The following BTBD9 variants were observed in gnomAD, a reference collection of about 807,000 sequenced individuals.
BTBD9 encodes BTB/POZ domain-containing protein 9.
BTBD9 carries 49 observed loss-of-function variants against 64.3 expected under a neutral mutation model. The ratio of observed to expected loss-of-function variants is 0.76; its 90% CI spans 0.61 to 0.97. The LOEUF (loss-of-function observed/expected upper bound fraction) is 0.97, where lower values mean the gene tolerates loss of function less well. BTBD9 is among the 50% of genes least tolerant of loss of function. BTBD9 has a pLI of 0.00. For missense variants in BTBD9, 598 were observed against 762.1 expected (o/e 0.78, Z 2.53); for synonymous variants, 260 against 274.7 (o/e 0.95, Z 0.53).
At chr6:38,401,482 G>A (rs1228847688) in intron 6 of BTBD9, among the ~76,000 whole-genome samples, 2 of 152,124 alleles carry the variant, frequency 1.3e-5, no homozygotes, top group Non-Finnish European at 2.9e-5. Flanking sequence ...TTGCCTCCAG[G>A]CTCTATAATG....
At chr6:38,238,667 G>T (rs1036361933) in intron 9 of BTBD9, among the ~76,000 whole-genome samples, 7 of 151,956 alleles carry the variant, frequency 4.6e-5, no homozygotes, top group Non-Finnish European at 1.0e-4. Context: ...TAGAGACGGG[G>T]TTTCACCGTG....
chr6:38,414,402 C>G (rs1273279233), intron 6 of BTBD9, among the ~76,000 whole-genome samples: 1 of 152,148 alleles, frequency 6.6e-6, no homozygotes, highest in Non-Finnish European at 1.5e-5. Flanking sequence ...TTTACTCATT[C>G]TCTGAATAAT....
intron 8 of BTBD9, among the ~76,000 whole-genome samples, chr6:38,268,831 C>T (rs779781711): frequency 1.3e-5 from 2 of 152,228 alleles, no homozygotes; most frequent in African/African-American, 2.4e-5. Flanking sequence ...AGCTGCGACT[C>T]GTTCCTCCTT....
intron 6 of BTBD9, among the ~76,000 whole-genome samples, chr6:38,427,957 C>T (rs80089404): frequency 0.039 from 5,881 of 151,932 alleles, 249 homozygotes; most frequent in East Asian, 0.13. Flanking sequence ...GGGAACATTG[C>T]TCCTGGGCAC....
At chr6:38,573,956 G>A (rs918895022) in intron 6 of BTBD9, among the ~76,000 whole-genome samples, 3 of 152,146 alleles carry the variant, frequency 2.0e-5, no homozygotes, top group South Asian at 2.1e-4. Context: ...TGGGTAAAGC[G>A]GAAATTGCCT....
chr6:38,306,027 C>T (rs147608688), intron 7 of BTBD9, among the ~76,000 whole-genome samples: 4 of 152,308 alleles, frequency 2.6e-5, no homozygotes, highest in Admixed American at 6.5e-5. Flanking sequence ...TGAATAAGTT[C>T]TGTGGTCTTT....
chr6:38,434,039 T>C (rs1384633624), intron 6 of BTBD9, among the ~76,000 whole-genome samples: 1 of 152,020 alleles, frequency 6.6e-6, no homozygotes, highest in Non-Finnish European at 1.5e-5. Context: ...TACTTAACAC[T>C]ATATATTCTG....
Position 38,480,634 on chromosome 6 carries a change from C to G in BTBD9, c.1154+96966G>C, listed in dbSNP as rs140097717. ...AGCTCTAATTTTGCTTGTAGCTCAG[C>G]TATAGAACACGCCAAAACCCCCCAC... On this transcript the variant is annotated intron_variant, in intron 6 of 10. Coordinates refer to ENST00000481247, the MANE Select transcript of BTBD9 (RefSeq NM_001099272.2). Among the ~76,000 whole-genome samples, 12 of 152,294 alleles carry G rather than the reference C, an allele frequency of 7.9e-5. No homozygotes were observed. The East Asian group carries it at 1.2e-3, about 15-fold the overall frequency.
chr6:38,258,929 A>C (rs1276615984), intron 8 of BTBD9, among the ~76,000 whole-genome samples: 2 of 152,198 alleles, frequency 1.3e-5, no homozygotes, highest in African/African-American at 4.8e-5. Flanking sequence ...AATAATGATC[A>C]TGATGGCCAA....
intron 9 of BTBD9, among the ~76,000 whole-genome samples, chr6:38,224,332 C>T (rs1177768665): frequency 6.6e-6 from 1 of 152,202 alleles, no homozygotes; most frequent in East Asian, 1.9e-4. Context: ...TTTCCTGGCT[C>T]AGTTGGCAAG....
intron 9 of BTBD9, among the ~76,000 whole-genome samples, chr6:38,219,217 C>T (rs1164362844): frequency 2.7e-5 from 4 of 148,212 alleles, no homozygotes; most frequent in Non-Finnish European, 4.4e-5. Flanking sequence ...TCACTGCCAG[C>T]TCCGCCTCCT....
chr6:38,296,291 T>TTTCACAG (rs1401599920), intron 7 of BTBD9, among the ~76,000 whole-genome samples: 4 of 152,192 alleles, frequency 2.6e-5, no homozygotes, highest in Non-Finnish European at 5.9e-5. Flanking sequence ...GCATACAATA[T>TTTCACAG]TTCACAGTAT....
At chr6:38,580,570 A>C in intron 4 of BTBD9, 133 bp from the exon 5 acceptor site, 1 of 755,700 alleles carries the variant, frequency 1.3e-6, no homozygotes, top group Non-Finnish European at 2.1e-6. Context: ...AGTTTATTGG[A>C]TAGAAAATAC....
intron 6 of BTBD9, among the ~76,000 whole-genome samples, chr6:38,499,124 CAGG>C (rs991158358): frequency 8.6e-5 from 13 of 151,060 alleles, no homozygotes; most frequent in African/African-American, 1.2e-4. Context: ...ACTATTTTGA[CAGG>C]AGGTTAAGCA....
chr6:38,442,385 G>C (rs1356686250), intron 6 of BTBD9, among the ~76,000 whole-genome samples: 1 of 152,064 alleles, frequency 6.6e-6, no homozygotes, highest in African/African-American at 2.4e-5. Flanking sequence ...TACTCGGGAG[G>C]CTTGAACCTG....
intron 6 of BTBD9, among the ~76,000 whole-genome samples, chr6:38,549,756 T>TA (rs1774711873): frequency 6.6e-6 from 1 of 152,162 alleles, no homozygotes; most frequent in Non-Finnish European, 1.5e-5. Flanking sequence ...TACATGCTGT[T>TA]CCCAGTCCCT....
At chr6:38,609,055 T>C (rs1241823665) in intron 1 of BTBD9, among the ~76,000 whole-genome samples, 1 of 152,176 alleles carries the variant, frequency 6.6e-6, no homozygotes, top group Admixed American at 6.5e-5. Context: ...TGACCAAGAA[T>C]TCTTCCAAAT....
At chr6:38,616,269 C>G (rs776681680) in intron 1 of BTBD9, among the ~76,000 whole-genome samples, 4 of 152,292 alleles carry the variant, frequency 2.6e-5, no homozygotes, top group Middle Eastern at 6.8e-3. Context: ...GATTATAACC[C>G]TGCTGACACT....
chr6:38,603,872 C>T (rs1777339072), intron 1 of BTBD9, among the ~76,000 whole-genome samples: 1 of 152,156 alleles, frequency 6.6e-6, no homozygotes, highest in South Asian at 2.1e-4. Flanking sequence ...GGTCTTGGTA[C>T]CCATGTGCTG....
Sources: allele counts gnomAD v4.1 joint callset (sites outside exome capture counted in the v4.1 genomes callset), GRCh38; gene constraint gnomAD v4.1.1; transcripts MANE v1.5; gene names NCBI Gene and HGNC (gene_info 2026-07-23, HGNC 2026-07-21).